Variants in SYTL2 observed in about 807,000 individuals in gnomAD.
The protein encoded by SYTL2 is synaptotagmin like 2.
Under a neutral mutation model 198.7 loss-of-function variants are expected in SYTL2, and 165 were observed. The observed-to-expected ratio is 0.83, with a 90% CI of 0.73 to 0.94. SYTL2 has a LOEUF of 0.94. SYTL2 is among the 40% of genes least tolerant of loss of function. SYTL2 has a pLI of 0.00. For missense variants in SYTL2, 2,835 were observed against 2,582.8 expected (o/e 1.10, Z -2.12); for synonymous variants, 966 against 917.7 (o/e 1.05, Z -0.95).
rs2089337168 is a variant in SYTL2 at position 85,727,521 on chromosome 11, AT to A, written c.1836del (p.Lys612AsnfsTer5). The A allele has an allele frequency of 1.3e-6, 2 of 1,535,972 alleles. No homozygotes were observed. Among genetic ancestry groups the A allele is most frequent in the Non-Finnish European group, 1.7e-6 (2 of 1,146,850 alleles). On this transcript the variant is annotated frameshift_variant, in exon 8 of 20. Transcript: ENST00000359152. LOFTEE classifies it high-confidence loss of function. ...TTTTGGGACAAATTCATGAATTTGG[AT>A]TTGATATTCACATTATTATCTTGGC... ...ESCQDNNVNIKSKFMNLSQKG... is the reference protein window; with the variant it reads ...ESCQDNNVNIXSKFMNLSQKG...
Position 85,694,239 on chromosome 11 carries a change from C to A in SYTL2, c.*956G>T. ...TAGGAAATTTAGATGTTTAGAATTC[C>A]TAAAATATTTTATTTAAAATGAGAA... On this transcript the variant is annotated 3_prime_UTR_variant, in exon 20 of 20. Transcript: ENST00000359152. The A allele has an allele frequency of 6.6e-6, 1 of 152,130 alleles. No homozygotes were observed. Among genetic ancestry groups the A allele is most frequent in the African/African-American group, 2.4e-5 (1 of 41,516 alleles). The allele number at this position is 152,130 out of a possible 1,614,324, so 9.4% of individuals were successfully genotyped here.
At chr11:85,699,578 C>CG (rs1461343270) in intron 17 of SYTL2, among the ~76,000 whole-genome samples, 2 of 151,140 alleles carry the variant, frequency 1.3e-5, no homozygotes, top group African/African-American at 2.4e-5. Flanking sequence ...TTTTGGGGGG[C>CG]GGGGGGCGGT....
Position 85,734,744 on chromosome 11 carries a change from T to C in SYTL2, c.587-2A>G. 1 of 1,607,266 alleles carries C rather than the reference T, an allele frequency of 6.2e-7. No homozygotes were observed. The highest frequency in any genetic ancestry group is 1.3e-5 in the African/African-American group (1 of 74,522). The stretch of plus-strand genomic sequence containing the variant: ...TTTCTTTTGACTCTGACAATTCATC[T>C]GAAAATTAAAACACAGTAGGTGATA... On this transcript the variant is annotated splice_acceptor_variant, in intron 6 of 19. Transcript: ENST00000359152. LOFTEE classifies it high-confidence loss of function.
intron 12 of SYTL2, among the ~76,000 whole-genome samples, chr11:85,712,070 T>C (rs945738889): frequency 1.3e-5 from 2 of 152,186 alleles, no homozygotes; most frequent in Non-Finnish European, 2.9e-5. Context: ...AGAGAGCTTA[T>C]GGAACAGTTC....
the SYTL2 span, among the ~76,000 whole-genome samples, chr11:85,845,695 T>G: frequency 9.9e-5 from 15 of 152,160 alleles, no homozygotes; most frequent in Non-Finnish European, 4.4e-5. Flanking sequence ...GATCACGAGG[T>G]CAGGAGATCG....
At chr11:85,788,307 T>A (rs2092669974) in intron 1 of SYTL2, among the ~76,000 whole-genome samples, 1 of 152,220 alleles carries the variant, frequency 6.6e-6, no homozygotes, top group African/African-American at 2.4e-5. Flanking sequence ...TTTGCACGCT[T>A]TATCTTATTC....
At chr11:85,845,756 A>C in the SYTL2 span, among the ~76,000 whole-genome samples, 1 of 152,130 alleles carries the variant, frequency 6.6e-6, no homozygotes, top group Admixed American at 6.5e-5. Flanking sequence ...ATACACACAC[A>C]CACACAAAAA....
chr11:85,799,703 C>T (rs1409777602), intron 1 of SYTL2, among the ~76,000 whole-genome samples: 2 of 152,146 alleles, frequency 1.3e-5, no homozygotes, highest in African/African-American at 4.8e-5. Flanking sequence ...GCCACCTCTT[C>T]CAGGAAGCCC....
chr11:85,754,004 G>A (rs1464127750), intron 2 of SYTL2, among the ~76,000 whole-genome samples: 2 of 152,178 alleles, frequency 1.3e-5, no homozygotes, highest in East Asian at 1.9e-4. Flanking sequence ...GGCTACGGGA[G>A]AGTTATACTC....
At chr11:85,708,987 C>G (rs925739587) in intron 14 of SYTL2, among the ~76,000 whole-genome samples, 1 of 151,416 alleles carries the variant, frequency 6.6e-6, no homozygotes, top group African/African-American at 2.4e-5. Flanking sequence ...TACAGGCGCC[C>G]GCCACCACGC....
the SYTL2 span, among the ~76,000 whole-genome samples, chr11:85,838,965 A>G: frequency 6.6e-6 from 1 of 152,190 alleles, no homozygotes; most frequent in Non-Finnish European, 1.5e-5. Context: ...GCTGGCCTCA[A>G]ATTCCTGGGC....
Position 85,705,044 on chromosome 11 carries a change from GA to G in SYTL2, c.6019-17del. On this transcript the variant is annotated splice_polypyrimidine_tract_variant and intron_variant, in intron 15 of 19. Transcript: ENST00000359152. ...CAATTTTATACTGAAGTTCAAAGAAGAAAATTAAATGATGAAAAACATTACT... is the reference window on the plus strand; with the variant it reads ...CAATTTTATACTGAAGTTCAAAGAAGAAATTAAATGATGAAAAACATTACT... 3 of 1,583,592 alleles carry G rather than the reference GA, an allele frequency of 1.9e-6. No homozygotes were observed. In the South Asian group the frequency reaches 3.4e-5, roughly 18 times the overall value.
intron 3 of SYTL2, among the ~76,000 whole-genome samples, chr11:85,747,822 G>GT (rs1565975985): frequency 1.3e-5 from 2 of 152,082 alleles, no homozygotes; most frequent in African/African-American, 4.8e-5. Context: ...AAACAAGAAG[G>GT]TTTTTCCATT....
intron 1 of SYTL2, among the ~76,000 whole-genome samples, chr11:85,805,588 A>T (rs2092948260): frequency 6.6e-6 from 1 of 152,206 alleles, no homozygotes; most frequent in Non-Finnish European, 1.5e-5. Flanking sequence ...ACTCAGCCAG[A>T]GGCAGGAGAG....
rs756825845 is a variant in SYTL2 at position 85,757,762 on chromosome 11, T to C, written c.-37A>G. On this transcript the variant is annotated 5_prime_UTR_variant, in exon 2 of 20. Coordinates refer to ENST00000359152, the MANE Select transcript of SYTL2 (RefSeq NM_206927.4). ...CATGCAAAAATAATAGCAACAAATG[T>C]GGCTCAAAATTCTCAGGGCTGAACA... is the stretch of plus-strand genomic sequence containing the variant. 2 of 1,604,618 alleles carry C rather than the reference T, an allele frequency of 1.2e-6. No individual in the cohort carries two copies. Among genetic ancestry groups the C allele is most frequent in the South Asian group, 1.1e-5 (1 of 91,042 alleles).
Position 85,727,101 on chromosome 11 carries a change from T to C in SYTL2, c.2257A>G (p.Lys753Glu). 1 of 1,535,874 alleles carries C rather than the reference T, an allele frequency of 6.5e-7. No individual in the cohort carries two copies. Among genetic ancestry groups the C allele is most frequent in the Non-Finnish European group, 8.7e-7 (1 of 1,146,792 alleles). ...TTGTTGGCAACCCCAGGTGTTGACT[T>C]AATATTCTCTGGCTCTAAGGAGGCT... is the stretch of plus-strand genomic sequence containing the variant. ...LKASLEPENI[K>E]STPGVANNGS... Residue 753 changes from lysine to glutamate, a missense_variant, in exon 8 of 20, where the codon AAG becomes GAG. By Grantham distance (56) the Lys-to-Glu change is moderately conservative (BLOSUM62 1). This residue lies in a region of SYTL2 where 2,645 missense variants were observed against 2,381.7 expected (regional missense o/e 1.11). Transcript: ENST00000359152.
Position 85,695,028 on chromosome 11 carries a change from G to A in SYTL2, c.*167C>T. 1 of 538,072 alleles carries A rather than the reference G, an allele frequency of 1.9e-6. No individual in the cohort carries two copies. Among genetic ancestry groups the A allele is most frequent in the Non-Finnish European group, 3.2e-6 (1 of 315,842 alleles). The allele number at this position is 538,072 out of a possible 1,614,324, so 33.3% of individuals were successfully genotyped here. ...ACATTTTGTTATATTTAAATCCCTT[G>A]GGCCTTGTAATCAAAGAAGCACATG... On this transcript the variant is annotated 3_prime_UTR_variant, in exon 20 of 20. Transcript: ENST00000359152.
At chr11:85,852,747 C>T in the SYTL2 span, 3 of 236,044 alleles carry the variant, frequency 1.3e-5, no homozygotes, top group African/African-American at 7.1e-5. Flanking sequence ...CCAGCCGCCT[C>T]CCTTGGCCTC....
intron 2 of SYTL2, among the ~76,000 whole-genome samples, chr11:85,752,947 A>AAAAAAC (rs2091624160): frequency 1.4e-5 from 2 of 142,666 alleles, no homozygotes; most frequent in Non-Finnish European, 3.0e-5. Context: ...AAAAAAAAAA[A>AAAAAAC]AAAACACAAC....
Sources: allele counts gnomAD v4.1 joint callset (sites outside exome capture counted in the v4.1 genomes callset), GRCh38; gene constraint gnomAD v4.1.1; regional missense constraint gnomAD v4.1.1; transcripts MANE v1.5; gene names NCBI Gene and HGNC (gene_info 2026-07-23, HGNC 2026-07-21).